GSAP: variants seen among roughly 807,000 people sequenced by gnomAD.
GSAP encodes the protein gamma-secretase activating protein.
A neutral mutation model predicts 131.7 loss-of-function variants in GSAP; 118 were observed. The ratio of observed to expected loss-of-function variants is 0.90; its 90% confidence interval spans 0.77 to 1.04. The LOEUF (loss-of-function observed/expected upper bound fraction) is 1.04, where lower values mean the gene tolerates loss of function less well. Ranked by LOEUF, GSAP falls within the 50% of genes least tolerant of loss-of-function variation. GSAP has a pLI of 0.00. For missense variants in GSAP, 1,019 were observed against 1,013.2 expected, an observed-to-expected ratio of 1.01 and a Z score of -0.08; for synonymous variants, 381 against 363.4, an observed-to-expected ratio of 1.05 and a Z score of -0.55.
intron 1 of GSAP, among the ~76,000 whole-genome samples, chr7:77,413,767 G>A (rs1048931272): frequency 1.3e-5 from 2 of 152,048 alleles, no homozygotes; most frequent in Non-Finnish European, 2.9e-5. Context: ...GAAAGAAATA[G>A]AATCAGAAAG....
At chr7:77,360,617 C>A (rs1794393284) in intron 14 of GSAP, among the ~76,000 whole-genome samples, 1 of 152,194 alleles carries the variant, frequency 6.6e-6, no homozygotes, top group African/African-American at 2.4e-5. Context: ...AACCCCCAAC[C>A]CTTTTCAAGC....
At chr7:77,390,403 T>A (rs1799284601) in intron 5 of GSAP, among the ~76,000 whole-genome samples, 1 of 152,106 alleles carries the variant, frequency 6.6e-6, no homozygotes, top group African/African-American at 2.4e-5. Flanking sequence ...TCTTCTAGGG[T>A]TTTTATGGTT....
At position 77,321,344 on chromosome 7, in the gene GSAP, C is replaced by G. The variant is rs371306831; in HGVS notation, c.1983G>C (p.Trp661Cys). The change falls in exon 25 of 31, where the codon TGG (tryptophan) becomes TGC (cysteine). Residue 661 changes from tryptophan (W) to cysteine (C), a missense_variant. Trp to Cys is a radical substitution (Grantham distance 215). Transcript: ENST00000257626. The stretch of plus-strand genomic sequence containing the variant: ...AAATACTTGCGTACAAGTGGAGAAC[C>G]CAGGAATGAAGATTATGTTTCCTCC... ...TNWRKHNLHS[W>C]VLHFNSRGSA... The G allele has an allele frequency of 2.5e-6, 4 of 1,594,522 alleles. No homozygotes were observed. The African/African-American group carries it at 5.4e-5, about 21-fold the overall frequency.
At chr7:77,405,009 TTAAAA>T (rs1272504483) in intron 2 of GSAP, among the ~76,000 whole-genome samples, 2 of 152,250 alleles carry the variant, frequency 1.3e-5, no homozygotes, top group Admixed American at 1.3e-4. Flanking sequence ...AAGACACAAC[TTAAAA>T]TAATTATTTT....
rs1205979454 is a variant in GSAP at position 77,355,307 on chromosome 7, T to C, written c.1244A>G (p.Gln415Arg). The C allele has an allele frequency of 6.2e-7, 1 of 1,613,732 alleles. No homozygotes were observed. The highest frequency in any genetic ancestry group is 1.3e-5 in the African/African-American group (1 of 74,902). ...GTCTAAGCAAGTGTTCTGCAGAAGC[T>C]GTAATAAAGACGACTGGCTGAGCAG... ...RALLSQSSLL[Q>R]LLQNTCLDCE... The change falls in exon 16 of 31, where the codon CAG (glutamine) becomes CGG (arginine). Residue 415 changes from glutamine (Q) to arginine (R), a missense_variant. Transcript: ENST00000257626.
rs776430503 is a variant in GSAP at position 77,382,638 on chromosome 7, G to A, written c.462C>T (p.Leu154=). 2.0e-6 allele frequency: 3 copies of A among 1,525,738 alleles called. No individual in the cohort carries two copies. The highest frequency in any genetic ancestry group is 2.7e-6 in the Non-Finnish European group (3 of 1,099,688). 94.5% of individuals were successfully genotyped at this position (1,525,738 alleles called of 1,614,324 possible). The part of the protein sequence containing the change: ...AVDSYIWVQF[L]YPHIESHPLP... ...GAGGATGACTTTCAATATGTGGGTA[G>A]AGAAACTGTAAAAAAGAAATTAATC... The change falls in exon 7 of 31, where the codon CTC becomes CTT. Residue 154 remains leucine, a synonymous_variant. Coordinates refer to ENST00000257626, the MANE Select transcript of GSAP (RefSeq NM_017439.4).
chr7:77,409,807 T>C (rs894660448), intron 1 of GSAP, among the ~76,000 whole-genome samples: 8 of 152,218 alleles, frequency 5.3e-5, no homozygotes, highest in Non-Finnish European at 8.8e-5. Context: ...AGCGTATCTA[T>C]TTTCAGATTA....
chr7:77,322,726 A>T (rs1203254623), intron 24 of GSAP, among the ~76,000 whole-genome samples: 1 of 152,100 alleles, frequency 6.6e-6, no homozygotes, highest in Non-Finnish European at 1.5e-5. Flanking sequence ...AAATATCACT[A>T]CATGAGAATA....
At chr7:77,333,486 GTA>G (rs1789468869) in intron 19 of GSAP, among the ~76,000 whole-genome samples, 1 of 152,118 alleles carries the variant, frequency 6.6e-6, no homozygotes. Context: ...TTGGCTTGGG[GTA>G]TGCCTGAGCC....
At chr7:77,393,134 C>CAAATGAGACAAAAAAAA (rs1415683309) in intron 5 of GSAP, among the ~76,000 whole-genome samples, 3 of 152,014 alleles carry the variant, frequency 2.0e-5, no homozygotes, top group Non-Finnish European at 2.9e-5. Context: ...AAAAATGGTA[C>CAAATGAGACAAAAAAAA]AATTTGTCTC....
chr7:77,362,467 A>G, intron 13 of GSAP, 116 bp downstream of exon 13: 1 of 627,380 alleles, frequency 1.6e-6, no homozygotes, highest in Non-Finnish European at 2.9e-6. Flanking sequence ...AGCCTGGGTG[A>G]CAAAGGGAGA....
intron 19 of GSAP, among the ~76,000 whole-genome samples, chr7:77,344,898 T>C (rs2150785602): frequency 6.6e-6 from 1 of 152,124 alleles, no homozygotes; most frequent in Admixed American, 6.5e-5. Flanking sequence ...TTCTCTTTCC[T>C]CCAAAATCGC....
intron 1 of GSAP, among the ~76,000 whole-genome samples, chr7:77,406,998 G>A (rs146050494): frequency 9.6e-4 from 146 of 152,310 alleles, no homozygotes; most frequent in African/African-American, 3.3e-3. Flanking sequence ...TAGGGATGCA[G>A]CTATCTGTAA....
intron 8 of GSAP, among the ~76,000 whole-genome samples, chr7:77,379,395 T>C (rs149315392): frequency 1.3e-5 from 2 of 151,622 alleles, no homozygotes; most frequent in Non-Finnish European, 3.0e-5. Flanking sequence ...ATAGAGATGG[T>C]ATTATACTTA....
At chr7:77,312,994 T>G (rs1238017138) in intron 28 of GSAP, among the ~76,000 whole-genome samples, 1 of 152,200 alleles carries the variant, frequency 6.6e-6, no homozygotes, top group Non-Finnish European at 1.5e-5. Flanking sequence ...TACCATGTCA[T>G]ATTTTCATAG....
intron 5 of GSAP, among the ~76,000 whole-genome samples, chr7:77,392,466 T>TA (rs1231283941): frequency 2.6e-5 from 4 of 151,652 alleles, no homozygotes; most frequent in Non-Finnish European, 5.9e-5. Flanking sequence ...GAGTATCGCT[T>TA]GAACCCGGAA....
At chr7:77,314,936 G>A (rs1336555886) in intron 26 of GSAP, 1 of 155,224 alleles carries the variant, frequency 6.4e-6, no homozygotes, top group African/African-American at 2.4e-5. Flanking sequence ...GTATGCCCTA[G>A]AGAAAGGCTT....
intron 19 of GSAP, among the ~76,000 whole-genome samples, chr7:77,339,896 C>T (rs530839839): frequency 9.2e-5 from 14 of 152,288 alleles, no homozygotes; most frequent in Non-Finnish European, 1.3e-4. Flanking sequence ...TATAGTAAAA[C>T]GGGTAAACTC....
At chr7:77,401,917 C>T (rs1801383281) in intron 3 of GSAP, among the ~76,000 whole-genome samples, 1 of 151,654 alleles carries the variant, frequency 6.6e-6, no homozygotes, top group African/African-American at 2.4e-5. Context: ...TTCTCGATTG[C>T]AGTGGTAATT....
Sources: allele counts gnomAD v4.1 joint callset (sites outside exome capture counted in the v4.1 genomes callset), GRCh38; gene constraint gnomAD v4.1.1; transcripts MANE v1.5; gene names NCBI Gene and HGNC (gene_info 2026-07-23, HGNC 2026-07-21).